Variants in TRPM6 observed in about 807,000 individuals in gnomAD.
The protein encoded by TRPM6 is channel kinase 2.
Under a neutral mutation model 247.6 loss-of-function variants are expected in TRPM6, and 111 were observed. That is an observed-to-expected ratio of 0.45 (90% CI 0.38 to 0.52). The LOEUF (loss-of-function observed/expected upper bound fraction) is 0.52, where lower values mean the gene tolerates loss of function less well. Among genes scored for constraint, TRPM6 ranks in the 20% least tolerant of loss-of-function variants. TRPM6 has a pLI of 0.00. For synonymous variants in TRPM6, 892 were observed against 853.8 expected (o/e 1.04, Z -0.78); for missense variants, 2,126 against 2,421.5 (o/e 0.88, Z 2.56).
intron 1 of TRPM6, among the ~76,000 whole-genome samples, chr9:74,884,893 C>A (rs1226727021): frequency 6.6e-6 from 1 of 152,036 alleles, no homozygotes. Flanking sequence ...GAAACAGGAG[C>A]CAGCATAACA....
chr9:74,877,251 A>T (rs1831222494), intron 1 of TRPM6, among the ~76,000 whole-genome samples: 1 of 152,252 alleles, frequency 6.6e-6, no homozygotes, highest in Non-Finnish European at 1.5e-5. Flanking sequence ...ACACATGTCT[A>T]TACAAAAACT....
intron 23 of TRPM6, among the ~76,000 whole-genome samples, chr9:74,782,040 T>C (rs180860161): frequency 1.3e-5 from 2 of 152,188 alleles, no homozygotes; most frequent in Non-Finnish European, 2.9e-5. Context: ...CTTTAAAGTA[T>C]ACAGGAGGAT....
At chr9:74,802,580 C>G (rs1157323144) in intron 15 of TRPM6, among the ~76,000 whole-genome samples, 2 of 152,108 alleles carry the variant, frequency 1.3e-5, no homozygotes, top group Non-Finnish European at 2.9e-5. Context: ...TACATGACAA[C>G]TTTTAGTTTC....
intron 8 of TRPM6, 115 bp from the exon 9 acceptor site, chr9:74,820,542 T>C (rs1357714366): frequency 6.8e-6 from 9 of 1,329,758 alleles, no homozygotes; most frequent in Non-Finnish European, 9.5e-6. Context: ...TATGGACAGT[T>C]CTGCCAGAAG....
At chr9:74,855,641 T>C in intron 2 of TRPM6, 76 bp from the exon 3 acceptor site, 1 of 939,634 alleles carries the variant, frequency 1.1e-6, no homozygotes, top group Non-Finnish European at 1.8e-6. Flanking sequence ...ACAGTAAATA[T>C]CTATTATTTT....
intron 38 of TRPM6, among the ~76,000 whole-genome samples, chr9:74,725,193 G>A (rs1825274916): frequency 6.6e-6 from 1 of 152,084 alleles, no homozygotes; most frequent in Non-Finnish European, 1.5e-5. Flanking sequence ...GCTCCATCCA[G>A]TTATCAGATC....
chr9:74,733,761 T>C (rs1045179272), intron 36 of TRPM6, among the ~76,000 whole-genome samples: 3 of 152,048 alleles, frequency 2.0e-5, no homozygotes, highest in Admixed American at 6.5e-5. Flanking sequence ...TTTCTCCATG[T>C]TGGTCAGGCT....
At chr9:74,839,527 T>C (rs1829843696) in intron 5 of TRPM6, among the ~76,000 whole-genome samples, 1 of 152,150 alleles carries the variant, frequency 6.6e-6, no homozygotes, top group African/African-American at 2.4e-5. Flanking sequence ...AATGATTATA[T>C]GAGTTTAGTG....
chr9:74,791,503 TA>T (rs899873171), intron 19 of TRPM6, among the ~76,000 whole-genome samples: 12 of 150,876 alleles, frequency 8.0e-5, no homozygotes, highest in Non-Finnish European at 3.0e-5. Flanking sequence ...AAAAAATATT[TA>T]AAAAAAAAGA....
chr9:74,871,760 G>A (rs1831038062), intron 1 of TRPM6, among the ~76,000 whole-genome samples: 1 of 151,894 alleles, frequency 6.6e-6, no homozygotes, highest in African/African-American at 2.4e-5. Flanking sequence ...GCCCAGGTTG[G>A]CCTTGAACTC....
intron 3 of TRPM6, among the ~76,000 whole-genome samples, chr9:74,849,086 A>G (rs978300058): frequency 6.6e-6 from 1 of 152,212 alleles, no homozygotes; most frequent in East Asian, 1.9e-4. Context: ...ACGGTGTCTC[A>G]CGCCTTTCAT....
At chr9:74,818,293 C>CTTTTTTTTTTTTTT (rs1161401022) in intron 9 of TRPM6, among the ~76,000 whole-genome samples, 4 of 72,006 alleles carry the variant, frequency 5.6e-5, no homozygotes, top group African/African-American at 2.5e-4. Flanking sequence ...TCTATCATTT[C>CTTTTTTTTTTTTTT]TTTTTTTTTT....
Position 74,724,650 on chromosome 9 carries a change from G to C in TRPM6, c.6032C>G (p.Thr2011Arg). Reference sequence around the variant, plus strand: ...ATCATCTTCTGGGGAATTTCTACCCGTCTCCCTTGCTGGAGGCTCCTCAGC... The same window carrying C: ...ATCATCTTCTGGGGAATTTCTACCCCTCTCCCTTGCTGGAGGCTCCTCAGC... Reference protein sequence around the residue: ...ESAEEPPARETGRNSPEDDMQ... With the variant: ...ESAEEPPARERGRNSPEDDMQ... The change falls in exon 39 of 39, where the codon ACG (threonine) becomes AGG (arginine). Residue 2011 changes from threonine (T) to arginine (R), a missense_variant. This residue lies in a region of TRPM6 where 327 missense variants were observed against 397.7 expected (regional missense o/e 0.82). Coordinates refer to ENST00000360774, the MANE Select transcript of TRPM6 (RefSeq NM_017662.5). 2 of 1,614,098 alleles carry C rather than the reference G, an allele frequency of 1.2e-6. No individual in the cohort carries two copies. Among genetic ancestry groups the C allele is most frequent in the Non-Finnish European group, 1.7e-6 (2 of 1,180,000 alleles).
At chr9:74,748,797 T>C (rs1279468270) in intron 30 of TRPM6, among the ~76,000 whole-genome samples, 3 of 152,180 alleles carry the variant, frequency 2.0e-5, no homozygotes, top group Admixed American at 2.0e-4. Flanking sequence ...TAATTGGTTA[T>C]TTTAAAAAGA....
In TRPM6 at chr9:74,755,367, T is replaced by C. The variant is rs966316708; in HGVS notation, c.4892A>G (p.Lys1631Arg). 1 of 1,614,096 alleles carries C rather than the reference T, an allele frequency of 6.2e-7. No individual in the cohort carries two copies. The highest frequency in any genetic ancestry group is 8.5e-7 in the Non-Finnish European group (1 of 1,179,986). ...ATGTTACATACCTGTGTGACTAAAT[T>C]TGGACACTGTGAACCAGTTCTTGCT... ...EYSKNWFTVS[K>R]FSHTGVEPYI... The change falls in exon 28 of 39, where the codon AAA (lysine) becomes AGA (arginine). Residue 1631 changes from lysine to arginine, a missense_variant. Around this residue, in one of 3 missense-constraint regions of TRPM6, gnomAD observed 717 missense variants for 715.9 expected, o/e 1.00. Coordinates refer to ENST00000360774, the MANE Select transcript of TRPM6 (RefSeq NM_017662.5).
chr9:74,801,763 T>C, intron 16 of TRPM6, 135 bp downstream of exon 16: 1 of 1,121,896 alleles, frequency 8.9e-7, no homozygotes, highest in Non-Finnish European at 1.3e-6. Context: ...CTGAAGACCC[T>C]TTTAACAGGA....
chr9:74,809,989 A>AAC (rs1828669690), intron 13 of TRPM6, among the ~76,000 whole-genome samples: 1 of 150,162 alleles, frequency 6.7e-6, no homozygotes, highest in African/African-American at 2.5e-5. Flanking sequence ...AAAAAAAAAA[A>AAC]AAAAAAAAAA....
intron 1 of TRPM6, among the ~76,000 whole-genome samples, chr9:74,883,296 T>C (rs1196217419): frequency 6.6e-6 from 1 of 152,196 alleles, no homozygotes; most frequent in Non-Finnish European, 1.5e-5. Context: ...GTTCTGTTGG[T>C]CTGGTGGCAC....
intron 18 of TRPM6, among the ~76,000 whole-genome samples, chr9:74,794,636 C>T (rs1828024881): frequency 6.6e-6 from 1 of 152,132 alleles, no homozygotes. Flanking sequence ...AATAACTTCT[C>T]TTATTATTTT....
Sources: gnomAD v4.1 joint callset for allele counts (sites outside exome capture counted in the v4.1 genomes callset) on GRCh38, gnomAD v4.1.1 for gene constraint, gnomAD v4.1.1 regional missense constraint, MANE v1.5 for transcripts, NCBI Gene and HGNC (gene_info 2026-07-23, HGNC 2026-07-21) for gene names.